OSMR: variants seen among roughly 807,000 people sequenced by gnomAD.
OSMR encodes oncostatin M receptor, also known as oncostatin-M-specific receptor subunit beta.
In OSMR, 81 loss-of-function variants were observed where a neutral mutation model predicts 99.9. The observed-to-expected ratio is 0.81, with a 90% CI of 0.68 to 0.97. The LOEUF (loss-of-function observed/expected upper bound fraction) is 0.97, where lower values mean the gene tolerates loss of function less well. Among genes scored for constraint, OSMR ranks in the 50% least tolerant of loss-of-function variants. The probability of loss-of-function intolerance (pLI) is 0.00; values close to 1 mark genes in which losing one functional copy is unlikely to be tolerated. For missense variants in OSMR, 1,099 were observed against 1,153.4 expected, an observed-to-expected ratio of 0.95 and a Z score of 0.68; for synonymous variants, 406 against 410.4, an observed-to-expected ratio of 0.99 and a Z score of 0.13.
rs772659444 is a variant in OSMR at position 38,923,132 on chromosome 5, T to C, written c.1766-18T>C. On this transcript the variant is annotated intron_variant, in intron 12 of 17. Transcript: ENST00000274276. ...ACATCATTCTGTTATTAAAAATCTG[T>C]TGACTTTTTTTCCCTAGATGCTTTT... The C allele has an allele frequency of 6.2e-7, 1 of 1,612,300 alleles. No individual in the cohort carries two copies. The highest frequency in any genetic ancestry group is 8.5e-7 in the Non-Finnish European group (1 of 1,178,392).
At chr5:38,889,639 G>A (rs1744024074) in intron 7 of OSMR, among the ~76,000 whole-genome samples, 1 of 152,026 alleles carries the variant, frequency 6.6e-6, no homozygotes, top group South Asian at 2.1e-4. Context: ...CATTTCTGCT[G>A]TATCTGTGGT....
intron 7 of OSMR, among the ~76,000 whole-genome samples, chr5:38,891,239 A>C (rs1410312159): frequency 1.3e-5 from 2 of 152,180 alleles, no homozygotes; most frequent in East Asian, 3.9e-4. Context: ...CAGAATATTA[A>C]ATCAGGTGTG....
chr5:38,886,436 C>A, intron 7 of OSMR: 1 of 1,045,896 alleles, frequency 9.6e-7, no homozygotes, highest in Non-Finnish European at 1.3e-6. Flanking sequence ...AGGACTCTAA[C>A]AATAACTTCT....
intron 1 of OSMR, among the ~76,000 whole-genome samples, chr5:38,867,857 ATAATGGAGATG>A: frequency 6.7e-6 from 1 of 148,388 alleles, no homozygotes; most frequent in Non-Finnish European, 1.5e-5. Context: ...GAGATAGGGA[ATAATGGAGATG>A]CCCTCACCTC....
At chr5:38,926,564 G>T (rs962126484) in intron 15 of OSMR, among the ~76,000 whole-genome samples, 7 of 152,156 alleles carry the variant, frequency 4.6e-5, no homozygotes, top group Admixed American at 3.3e-4. Context: ...ATCAGATCTT[G>T]TGAGAACTCA....
At chr5:38,890,338 C>A (rs968786906) in intron 7 of OSMR, among the ~76,000 whole-genome samples, 2 of 152,156 alleles carry the variant, frequency 1.3e-5, no homozygotes, top group Non-Finnish European at 2.9e-5. Flanking sequence ...GCAGACAAAG[C>A]AAAATTTTTA....
chr5:38,876,147 C>T (rs1742807138), intron 2 of OSMR, 54 bp from the exon 3 acceptor site: 1 of 1,588,270 alleles, frequency 6.3e-7, no homozygotes, highest in Non-Finnish European at 8.6e-7. Context: ...ATTTCTGACT[C>T]TTCAATCATG....
At chr5:38,917,861 A>G (rs970924564) in intron 10 of OSMR, among the ~76,000 whole-genome samples, 10 of 152,224 alleles carry the variant, frequency 6.6e-5, no homozygotes, top group African/African-American at 2.4e-4. Context: ...AACTCAGGCC[A>G]GGCTTGACTT....
intron 9 of OSMR, among the ~76,000 whole-genome samples, chr5:38,914,541 C>T (rs189166291): frequency 1.3e-5 from 2 of 152,258 alleles, no homozygotes; most frequent in Admixed American, 1.3e-4. Flanking sequence ...ATCATTCTAC[C>T]AACACGCATA....
intron 13 of OSMR, among the ~76,000 whole-genome samples, chr5:38,923,773 C>T (rs1746344856): frequency 6.6e-6 from 1 of 152,176 alleles, no homozygotes; most frequent in Non-Finnish European, 1.5e-5. Context: ...GACCAGTTCT[C>T]AGGGGTTCTT....
At chr5:38,904,132 T>C (rs975577898) in intron 8 of OSMR, 108 bp downstream of exon 8, 5 of 1,551,468 alleles carry the variant, frequency 3.2e-6, no homozygotes, top group Non-Finnish European at 3.5e-6. Flanking sequence ...TAGGTTCAAA[T>C]GGTGTGGGTC....
At chr5:38,936,320 A>AGTC (rs989748256), downstream of OSMR, among the ~76,000 whole-genome samples, 166 of 152,204 alleles carry the variant, frequency 1.1e-3, 1 homozygote, top group African/African-American at 3.9e-3. Flanking sequence ...TTTTTCTAAT[A>AGTC]GTCATAATAT....
At position 38,903,316 on chromosome 5, in the gene OSMR, CTG is replaced by C. The variant is rs564699385; in HGVS notation, c.992-565_992-564del. Among the ~76,000 whole-genome samples, 46 of 152,342 alleles carry C rather than the reference CTG, an allele frequency of 3.0e-4. 1 individual carries two copies. The South Asian group carries it at 9.3e-3, about 31-fold the overall frequency. On this transcript the variant is annotated intron_variant, in intron 7 of 17. Transcript: ENST00000274276. ...GCCCAGGGCAAACAGAATCTTATCT[CTG>C]AGTTCTTCACTTGTACCATAGCTGA...
intron 2 of OSMR, chr5:38,944,796 T>C: frequency 1.9e-6 from 2 of 1,041,988 alleles, no homozygotes; most frequent in Non-Finnish European, 1.5e-6. Context: ...TTCACTAAAA[T>C]GGACGTATTA....
chr5:38,864,224 G>GT (rs1353371840), intron 1 of OSMR, among the ~76,000 whole-genome samples: 5 of 151,996 alleles, frequency 3.3e-5, no homozygotes, highest in Non-Finnish European at 5.9e-5. Flanking sequence ...TTTTTTGGTT[G>GT]TTTTTTATAT....
intron 9 of OSMR, among the ~76,000 whole-genome samples, chr5:38,905,160 A>T (rs1205877609): frequency 6.6e-6 from 1 of 152,152 alleles, no homozygotes; most frequent in African/African-American, 2.4e-5. Flanking sequence ...ATAACTGAAG[A>T]GATTTGCCCT....
chr5:38,865,782 G>A (rs1741891656), intron 1 of OSMR, among the ~76,000 whole-genome samples: 1 of 151,856 alleles, frequency 6.6e-6, no homozygotes, highest in Non-Finnish European at 1.5e-5. Flanking sequence ...AGGCCAGGCA[G>A]GCAGACAGAT....
chr5:38,939,733 CTAAAATCTT>C, downstream of OSMR: 1 of 228,762 alleles, frequency 4.4e-6, no homozygotes, highest in South Asian at 1.8e-4. Context: ...AAGATTAATC[CTAAAATCTT>C]TAAAAACTAC....
chr5:38,903,290 T>C (rs932815549), intron 7 of OSMR, among the ~76,000 whole-genome samples: 2 of 152,232 alleles, frequency 1.3e-5, no homozygotes, highest in African/African-American at 2.4e-5. Context: ...TGCGGAGAGC[T>C]GCCCAGGGCA....
Sources: allele counts gnomAD v4.1 joint callset (sites outside exome capture counted in the v4.1 genomes callset), GRCh38; gene constraint gnomAD v4.1.1; transcripts MANE v1.5; gene names NCBI Gene and HGNC (gene_info 2026-07-23, HGNC 2026-07-21).